The following LAMC3 variants were observed in gnomAD, a reference collection of about 807,000 sequenced individuals.
LAMC3 encodes laminin subunit gamma-3.
Under a neutral mutation model 173.8 loss-of-function variants are expected in LAMC3, and 128 were observed. The observed-to-expected ratio is 0.74, with a 90% CI of 0.64 to 0.85. The LOEUF is 0.85. Among genes scored for constraint, LAMC3 ranks in the 40% least tolerant of loss-of-function variants. LAMC3 has a pLI of 0.00. For missense variants in LAMC3, 2,022 were observed against 2,156.0 expected, an observed-to-expected ratio of 0.94 and a Z score of 1.23; for synonymous variants, 897 against 909.1, an observed-to-expected ratio of 0.99 and a Z score of 0.24.
intron 20 of LAMC3, among the ~76,000 whole-genome samples, chr9:131,074,699 G>T (rs934594365): frequency 1.5e-5 from 2 of 129,680 alleles, no homozygotes; most frequent in East Asian, 2.3e-4. Context: ...CCATCTCAAA[G>T]AAAAAAAAAA....
chr9:131,087,433 C>A, intron 25 of LAMC3, 43 bp from the exon 26 acceptor site: 2 of 1,612,440 alleles, frequency 1.2e-6, no homozygotes, highest in South Asian at 1.1e-5. Flanking sequence ...AAAGGACTTG[C>A]TGCACTCACT....
chr9:131,032,782 T>C (rs1236890189), intron 3 of LAMC3, among the ~76,000 whole-genome samples: 7 of 152,116 alleles, frequency 4.6e-5, no homozygotes, highest in South Asian at 2.1e-4. Context: ...TATTCACCTG[T>C]CTCAGCCTCC....
chr9:131,015,897 A>G (rs1833511669), intron 1 of LAMC3, among the ~76,000 whole-genome samples: 1 of 152,172 alleles, frequency 6.6e-6, no homozygotes, highest in Non-Finnish European at 1.5e-5. Context: ...ACCTCAGGTG[A>G]TCTGCCCTCC....
intron 1 of LAMC3, among the ~76,000 whole-genome samples, chr9:131,014,570 A>G (rs1833485769): frequency 6.6e-6 from 1 of 152,230 alleles, no homozygotes; most frequent in Non-Finnish European, 1.5e-5. Context: ...CTGGGCTGCC[A>G]GAGGGAATGC....
intron 13 of LAMC3, among the ~76,000 whole-genome samples, chr9:131,066,262 G>T (rs1034080112): frequency 6.6e-6 from 1 of 151,848 alleles, no homozygotes; most frequent in African/African-American, 2.4e-5. Flanking sequence ...AGGCCAAGGC[G>T]GGCAGATCAC....
chr9:131,074,130 G>A (rs1830083590), intron 20 of LAMC3, among the ~76,000 whole-genome samples: 1 of 151,048 alleles, frequency 6.6e-6, no homozygotes, highest in Non-Finnish European at 1.5e-5. Flanking sequence ...TGTATTTTTA[G>A]TAGAGATGGG....
chr9:131,058,558 T>G (rs1406735457), intron 12 of LAMC3, among the ~76,000 whole-genome samples: 1 of 151,640 alleles, frequency 6.6e-6, no homozygotes, highest in African/African-American at 2.4e-5. Flanking sequence ...CCAGAGCAGG[T>G]GGGGGCTGTC....
At chr9:131,038,806 T>G (rs758791985) in intron 4 of LAMC3, 58 bp from the exon 5 acceptor site, 17 of 1,545,566 alleles carry the variant, frequency 1.1e-5, no homozygotes, top group Non-Finnish European at 1.4e-5. Flanking sequence ...CTGACACAGA[T>G]GCAGCCTCCT....
At chr9:131,066,134 G>A (rs1829927601) in intron 13 of LAMC3, among the ~76,000 whole-genome samples, 1 of 152,070 alleles carries the variant, frequency 6.6e-6, no homozygotes, top group South Asian at 2.1e-4. Context: ...GGCAGAGGTT[G>A]CAGTGAGCCG....
intron 8 of LAMC3, among the ~76,000 whole-genome samples, chr9:131,046,105 A>G (rs1834149542): frequency 6.6e-6 from 1 of 151,612 alleles, no homozygotes; most frequent in Non-Finnish European, 1.5e-5. Context: ...ACTGAGACCT[A>G]CAAAAGGTAG....
At chr9:131,089,705 A>G (rs1362525937) in intron 27 of LAMC3, among the ~76,000 whole-genome samples, 3 of 152,096 alleles carry the variant, frequency 2.0e-5, no homozygotes, top group Non-Finnish European at 4.4e-5. Context: ...TCCTCTTTTG[A>G]CTGACTTATT....
At chr9:131,071,714 C>T (rs1830039691) in intron 18 of LAMC3, 89 bp downstream of exon 18, 1 of 1,375,096 alleles carries the variant, frequency 7.3e-7, no homozygotes, top group Non-Finnish European at 9.6e-7. Flanking sequence ...TTTGGGGGCC[C>T]TCCCAAAACA....
At chr9:131,057,217 G>A in intron 12 of LAMC3, 70 bp downstream of exon 12, 1 of 1,349,760 alleles carries the variant, frequency 7.4e-7, no homozygotes. Flanking sequence ...GTACTGACCT[G>A]AACAGGGCCA....
chr9:131,068,899 T>C lies in LAMC3; in HGVS notation c.2748-9T>C, dbSNP rs1829990520. The C allele has an allele frequency of 1.9e-6, 3 of 1,613,710 alleles. No individual in the cohort carries two copies. Among genetic ancestry groups the C allele is most frequent in the Admixed American group, 1.7e-5 (1 of 59,988 alleles). ...CTTGCCTCAGACCCAGTTCCTTCCC[T>C]GATCACAGCTGCAAGTGTCACCCAC... On this transcript the variant is annotated splice_polypyrimidine_tract_variant and intron_variant, in intron 15 of 27. Transcript: ENST00000361069.
rs561656471 is a variant in LAMC3, at chr9:131,064,981, C to T, written c.2348-1979C>T. On this transcript the variant is annotated intron_variant, in intron 13 of 27. Transcript: ENST00000361069. ...ACTTGAACCCAGTAGGTGGGGCTTG[C>T]GGTGAGCCGAGATGGTGCCATTGCA... 3.9e-3 allele frequency among the ~76,000 whole-genome samples: 530 copies of T among 135,862 alleles called. 1 individual carries two copies. Among genetic ancestry groups the T allele is most frequent in the South Asian group, 8.2e-3 (34 of 4,148 alleles). 89.1% of individuals were successfully genotyped at this position (135,862 alleles called of 152,430 possible). A position where few individuals can be genotyped will look rare whatever the true frequency, so the allele number is the denominator to read the frequency against.
chr9:131,017,018 G>GT (rs1017972607), intron 1 of LAMC3, among the ~76,000 whole-genome samples: 3 of 152,144 alleles, frequency 2.0e-5, no homozygotes, highest in Admixed American at 2.0e-4. Context: ...GCTTGGCACC[G>GT]TAACTCCCAA....
intron 2 of LAMC3, among the ~76,000 whole-genome samples, chr9:131,030,397 A>G (rs1460789690): frequency 2.0e-5 from 3 of 152,182 alleles, no homozygotes; most frequent in Non-Finnish European, 4.4e-5. Context: ...CAGGAAGCAG[A>G]GGTGGGAGAC....
At chr9:131,038,410 A>G (rs1190491630) in intron 4 of LAMC3, among the ~76,000 whole-genome samples, 4 of 152,160 alleles carry the variant, frequency 2.6e-5, no homozygotes, top group Non-Finnish European at 5.9e-5. Flanking sequence ...AGACTTTTAA[A>G]AATGATTTAA....
intron 27 of LAMC3, among the ~76,000 whole-genome samples, chr9:131,088,993 G>A (rs529903529): frequency 6.6e-6 from 1 of 152,098 alleles, no homozygotes; most frequent in Non-Finnish European, 1.5e-5. Context: ...GCTGAGGCAG[G>A]AGAATCGCTT....
Sources: gnomAD v4.1 joint callset for allele counts (sites outside exome capture counted in the v4.1 genomes callset) on GRCh38, gnomAD v4.1.1 for gene constraint, MANE v1.5 for transcripts, NCBI Gene and HGNC (gene_info 2026-07-23, HGNC 2026-07-21) for gene names.